LRRC4B: variants seen among roughly 807,000 people sequenced by gnomAD.
LRRC4B encodes leucine-rich repeat-containing protein 4B.
Under a neutral mutation model 7.3 loss-of-function variants are expected in LRRC4B, and 1 was observed. That is an observed-to-expected ratio of 0.14 (90% CI 0.05 to 0.65). LRRC4B has a LOEUF of 0.65. LRRC4B is among the 30% of genes least tolerant of loss of function. The probability of loss-of-function intolerance (pLI) is 0.84; values close to 1 mark genes in which losing one functional copy is unlikely to be tolerated. For missense variants in LRRC4B, 730 were observed against 1,041.6 expected (o/e 0.70, Z 4.12); for synonymous variants, 500 against 499.2 (o/e 1.00, Z -0.02).
At chr19:50,567,236 A>G (rs1247280009) in intron 1 of LRRC4B, among the ~76,000 whole-genome samples, 1 of 151,540 alleles carries the variant, frequency 6.6e-6, no homozygotes. Flanking sequence ...AGAAGGCCCC[A>G]AAGCCTAGTG....
At chr19:50,561,391 A>C (rs781616204) in intron 1 of LRRC4B, among the ~76,000 whole-genome samples, 10 of 152,098 alleles carry the variant, frequency 6.6e-5, no homozygotes, top group Non-Finnish European at 1.0e-4. Context: ...GGCATAAACA[A>C]GATTGAGAAC....
rs1470128558 is a variant in LRRC4B, at chr19:50,556,760, T to G, written c.-35-7887A>C. 1.3e-5 allele frequency among the ~76,000 whole-genome samples: 2 copies of G among 152,002 alleles called. No homozygotes were observed. The highest frequency in any genetic ancestry group is 2.9e-5 in the Non-Finnish European group (2 of 67,986). Reference sequence around the variant, plus strand: ...CAGGAACGAGCGAGCCAGCGCCCCCTACCGGCAGTTCCTCTGCTGGCACCC... The same window carrying G: ...CAGGAACGAGCGAGCCAGCGCCCCCGACCGGCAGTTCCTCTGCTGGCACCC... On this transcript the variant is annotated intron_variant, in intron 1 of 2. Transcript: ENST00000652263. This position sits in a 1 kb window ranked among gnomAD's most constrained non-coding sequence, Gnocchi z 4.2.
chr19:50,559,699 T>G (rs1478334261), intron 1 of LRRC4B, among the ~76,000 whole-genome samples: 2 of 152,244 alleles, frequency 1.3e-5, no homozygotes, highest in African/African-American at 4.8e-5. Context: ...CCGATCTGTT[T>G]TCTCTCACAG....
chr19:50,524,197 T>C (rs1189283628), intron 2 of LRRC4B, among the ~76,000 whole-genome samples: 3 of 152,178 alleles, frequency 2.0e-5, no homozygotes, highest in African/African-American at 7.2e-5. Flanking sequence ...TAATAATGTA[T>C]GTCGGTGCTG....
At chr19:50,561,109 A>G (rs12974321) in intron 1 of LRRC4B, among the ~76,000 whole-genome samples, 67,737 of 151,728 alleles carry the variant, frequency 0.45, 15,712 homozygotes, top group Middle Eastern at 0.6. Flanking sequence ...AAAAAACGGT[A>G]TTTATTCTTA....
At chr19:50,554,476 CA>C (rs1011285745) in intron 1 of LRRC4B, among the ~76,000 whole-genome samples, 3 of 152,120 alleles carry the variant, frequency 2.0e-5, no homozygotes, top group African/African-American at 7.2e-5. Context: ...CCACTCTGCC[CA>C]AACCTCAGAT....
Position 50,563,052 on chromosome 19 carries a change from T to C in LRRC4B, c.-36+4892A>G, listed in dbSNP as rs1219259431. Among the ~76,000 whole-genome samples, 1 of 152,054 alleles carries C rather than the reference T, an allele frequency of 6.6e-6. No homozygotes were observed. Among genetic ancestry groups the C allele is most frequent in the Non-Finnish European group, 1.5e-5 (1 of 68,008 alleles). On this transcript the variant is annotated intron_variant, in intron 1 of 2. Transcript: ENST00000652263. This position sits in a 1 kb window ranked among gnomAD's most constrained non-coding sequence, Gnocchi z 4.9. ...TGCCTGGCCTGTCTCTGTCTAGGTC[T>C]CTCAACCTCCCACCAGGATCCCAGA...
chr19:50,561,606 A>C (rs1480392185), intron 1 of LRRC4B, among the ~76,000 whole-genome samples: 1 of 151,972 alleles, frequency 6.6e-6, no homozygotes, highest in Non-Finnish European at 1.5e-5. Flanking sequence ...GTGGTGGTGC[A>C]CGCCTGTAAT....
intron 2 of LRRC4B, among the ~76,000 whole-genome samples, chr19:50,544,151 G>A (rs536358648): frequency 1.3e-5 from 2 of 152,052 alleles, no homozygotes; most frequent in South Asian, 2.1e-4. Context: ...AGGTTGCAGT[G>A]AGCTGAGATT....
Position 50,518,316 on chromosome 19 carries a change from CTGCCGG to C in LRRC4B, c.1391_1396del (p.Thr464_Gly465del). The C allele has an allele frequency of 1.9e-6, 3 of 1,605,858 alleles. No individual in the cohort carries two copies. Among genetic ancestry groups the C allele is most frequent in the South Asian group, 1.1e-5 (1 of 90,616 alleles). On this transcript the variant is annotated inframe_deletion, in exon 3 of 3. Coordinates refer to ENST00000652263, the MANE Select transcript of LRRC4B (RefSeq NM_001080457.2). ...ACTGCCCCCAGGGCCGCCCCCGCCG[CTGCCGG>C]TGCCCCCGGCCGCCACGGGGTCCAC... is the stretch of plus-strand genomic sequence containing the variant.
In LRRC4B at chr19:50,518,653, G is replaced by A. The variant is rs773936988; in HGVS notation, c.1060C>T (p.Leu354=). ...TAGCAGGTGAAATGCGACTGGTCCA[G>A]CTCCCCAATGTAGCGCCCCTTGAGG... is the stretch of plus-strand genomic sequence containing the variant. The part of the protein sequence containing the change: ...AGLKGRYIGE[L]DQSHFTCYAP... The change falls in exon 3 of 3, where the codon CTG becomes TTG. Residue 354 remains leucine (L), a synonymous_variant. Transcript: ENST00000652263. 1.9e-6 allele frequency: 3 copies of A among 1,613,276 alleles called. No homozygotes were observed. The highest frequency in any genetic ancestry group is 2.2e-5 in the South Asian group (2 of 90,994).
chr19:50,554,867 T>C (rs1982217859), intron 1 of LRRC4B, among the ~76,000 whole-genome samples: 1 of 152,202 alleles, frequency 6.6e-6, no homozygotes, highest in African/African-American at 2.4e-5. Context: ...TAGGTCAGCC[T>C]TGCCAGAGTC....
chr19:50,520,458 C>G (rs939250348), intron 2 of LRRC4B, among the ~76,000 whole-genome samples: 4 of 144,484 alleles, frequency 2.8e-5, no homozygotes, highest in Middle Eastern at 4.5e-3. Context: ...GGTGAAACCC[C>G]GTCTCTACTA....
In LRRC4B at chr19:50,521,285, AG is replaced by A. The variant is rs1260832987; in HGVS notation, c.298-1871del. ...GGCAGGTGAGGTATCTGGGGCAGAC[AG>A]GGAAGGGCATGAGAGAGCTTTCTGG... On this transcript the variant is annotated intron_variant, in intron 2 of 2. Coordinates refer to ENST00000652263, the MANE Select transcript of LRRC4B (RefSeq NM_001080457.2). 2.0e-5 allele frequency among the ~76,000 whole-genome samples: 3 copies of A among 151,810 alleles called. No individual in the cohort carries two copies. The East Asian group carries it at 5.8e-4, about 29-fold the overall frequency.
At chr19:50,529,807 T>C (rs1980970192) in intron 2 of LRRC4B, among the ~76,000 whole-genome samples, 1 of 152,006 alleles carries the variant, frequency 6.6e-6, no homozygotes, top group Non-Finnish European at 1.5e-5. Flanking sequence ...TCGATAATAA[T>C]AATAATAAAT....
intron 2 of LRRC4B, among the ~76,000 whole-genome samples, chr19:50,524,086 C>T (rs60322574): frequency 0.046 from 7,011 of 152,062 alleles, 533 homozygotes; most frequent in African/African-American, 0.16. Context: ...ATTACTTTTA[C>T]AGTAAGCAGG....
At chr19:50,525,849 C>G (rs1446325665) in intron 2 of LRRC4B, among the ~76,000 whole-genome samples, 1 of 152,126 alleles carries the variant, frequency 6.6e-6, no homozygotes, top group African/African-American at 2.4e-5. Flanking sequence ...CAGCCCTCTG[C>G]CTCTCCCACC....
chr19:50,529,633 C>T (rs542491267), intron 2 of LRRC4B, among the ~76,000 whole-genome samples: 92 of 152,006 alleles, frequency 6.1e-4, no homozygotes, highest in African/African-American at 2.2e-3. Flanking sequence ...GGTGAAACCC[C>T]GTCTCTACTG....
In LRRC4B at chr19:50,518,426, C is replaced by T. The variant is rs1448104767; in HGVS notation, c.1287G>A (p.Gln429=). 3 of 1,559,330 alleles carry T rather than the reference C, an allele frequency of 1.9e-6. No individual in the cohort carries two copies. The highest frequency in any genetic ancestry group is 2.6e-6 in the Non-Finnish European group (3 of 1,154,602). The change falls in exon 3 of 3, where the codon CAG becomes CAA. Residue 429 remains glutamine (Q), a synonymous_variant. Coordinates refer to ENST00000652263, the MANE Select transcript of LRRC4B (RefSeq NM_001080457.2). ...CCATGCACGTGTACTGGCCCGTGTCCTGCACGGTGACGTTGGTGAAGTTAA... is the reference window on the plus strand; with the variant it reads ...CCATGCACGTGTACTGGCCCGTGTCTTGCACGGTGACGTTGGTGAAGTTAA... ...GTLNFTNVTV[Q]DTGQYTCMVT...
Sources: allele counts gnomAD v4.1 joint callset (sites outside exome capture counted in the v4.1 genomes callset), GRCh38; gene constraint gnomAD v4.1.1; non-coding constraint Gnocchi (gnomAD v3.1); transcripts MANE v1.5; gene names NCBI Gene and HGNC (gene_info 2026-07-23, HGNC 2026-07-21).